MYO1F: variants seen among roughly 807,000 people sequenced by gnomAD.
MYO1F encodes myosin IF, also known as unconventional myosin-If.
Under a neutral mutation model 146.6 loss-of-function variants are expected in MYO1F, and 60 were observed. That is an observed-to-expected ratio of 0.41 (90% CI 0.33 to 0.51). The LOEUF (loss-of-function observed/expected upper bound fraction) is 0.51. Among genes scored for constraint, MYO1F ranks in the 20% least tolerant of loss-of-function variants. The pLI, the probability that MYO1F is intolerant of heterozygous loss-of-function variation, is 0.25. For missense variants in MYO1F, 1,274 were observed against 1,534.3 expected (o/e 0.83, Z 2.83); for synonymous variants, 602 against 602.1 (o/e 1.00, Z 0.00).
intron 19 of MYO1F, 67 bp downstream of exon 19, chr19:8,536,185 C>T (rs886572293): frequency 1.3e-6 from 2 of 1,557,592 alleles, no homozygotes; most frequent in East Asian, 4.5e-5. Context: ...CTCTCTCTCT[C>T]AGTCCCTCTC....
intron 12 of MYO1F, 45 bp downstream of exon 12, chr19:8,547,991 A>ACCCCCCCCCCCCGAT: frequency 2.3e-6 from 1 of 435,422 alleles, no homozygotes; most frequent in Admixed American, 3.0e-5. Flanking sequence ...CTTCCACCCC[A>ACCCCCCCCCCCCGAT]CCCCCACCCC....
At chr19:8,543,960 G>GTGGTGGTGC (rs1973191548) in intron 14 of MYO1F, 4 of 348,922 alleles carry the variant, frequency 1.1e-5, no homozygotes, top group South Asian at 2.4e-5. Flanking sequence ...GGTGGTGGTG[G>GTGGTGGTGC]TGGTGGTGGT....
Position 8,559,891 on chromosome 19 carries a change from G to A in MYO1F, c.4-4095C>T, listed in dbSNP as rs1389832161. Among the ~76,000 whole-genome samples the A allele has an allele frequency of 4.7e-5, 7 of 149,568 alleles. No individual in the cohort carries two copies. The South Asian group carries it at 6.4e-4, about 14-fold the overall frequency. ...CTAGAACCCAGGAGGCGGAGGTTGC[G>A]GTGAGCCCAGATTGTGCCATTGCAC... On this transcript the variant is annotated intron_variant, in intron 1 of 27. Transcript: ENST00000644032.
intron 1 of MYO1F, among the ~76,000 whole-genome samples, chr19:8,556,482 A>AAAAG (rs367956320): frequency 6.6e-4 from 96 of 145,176 alleles, no homozygotes; most frequent in Middle Eastern, 7.7e-3. Context: ...TCTCTATAAA[A>AAAAG]AAAGAAAGAA....
chr19:8,535,619 G>T (rs1972671149), intron 19 of MYO1F, among the ~76,000 whole-genome samples: 1 of 151,316 alleles, frequency 6.6e-6, no homozygotes, highest in East Asian at 1.9e-4. Flanking sequence ...AAAATTTTTG[G>T]TCTATTTCTT....
rs1379544091 is a variant in MYO1F at position 8,539,994 on chromosome 19, C to A, written c.1645G>T (p.Asp549Tyr). The A allele has an allele frequency of 7.4e-6, 12 of 1,612,092 alleles. No individual in the cohort carries two copies. The Middle Eastern group carries it at 4.9e-4, about 66-fold the overall frequency. Residue 549 changes from aspartate (D) to tyrosine (Y), a missense_variant, in exon 16 of 28, where the codon GAT becomes TAT. By Grantham distance (160) the Asp-to-Tyr change is radical (BLOSUM62 -3). This residue lies in a region of MYO1F where 900 missense variants were observed against 1,155.1 expected (regional missense o/e 0.78). Transcript: ENST00000644032. ...FLRMLFPEKL[D>Y]GDKKGRPSTA... ...CTGGGGCGCCCCTTCTTGTCTCCATCCAGCTTCTCGGGGAAGAGCATCCGG... is the reference window on the plus strand; with the variant it reads ...CTGGGGCGCCCCTTCTTGTCTCCATACAGCTTCTCGGGGAAGAGCATCCGG...
intron 1 of MYO1F, among the ~76,000 whole-genome samples, chr19:8,558,345 T>C (rs1568365731): frequency 1.3e-5 from 2 of 151,732 alleles, no homozygotes; most frequent in Non-Finnish European, 2.9e-5. Flanking sequence ...TAAATTTTTT[T>C]TGTATTGATG....
chr19:8,562,997 CT>C (rs909413391), intron 1 of MYO1F, among the ~76,000 whole-genome samples: 2 of 150,210 alleles, frequency 1.3e-5, no homozygotes, highest in Admixed American at 6.6e-5. Flanking sequence ...TCCTTCTTTC[CT>C]TTTTTTGTTT....
chr19:8,553,894 A>ACACACTCTCTCTCTCTCT, intron 4 of MYO1F, among the ~76,000 whole-genome samples: 17 of 102,670 alleles, frequency 1.7e-4, no homozygotes, highest in Middle Eastern at 4.7e-3. Flanking sequence ...ACACACACAC[A>ACACACTCTCTCTCTCTCT]CTCTCTCTCT....
rs1973824718 is a variant in MYO1F, at chr19:8,555,780, A to G, written c.20T>C (p.Phe7Ser). The change falls in exon 2 of 28, where the codon TTC (phenylalanine) becomes TCC (serine). Residue 7 changes from phenylalanine (F) to serine (S), a missense_variant. Physicochemically the swap from Phe to Ser is radical, Grantham distance 155. This residue lies in a region of MYO1F where 900 missense variants were observed against 1,155.1 expected (regional missense o/e 0.78). Coordinates refer to ENST00000644032, the MANE Select transcript of MYO1F (RefSeq NM_012335.4). ...CTTCACGTTGTGGCTCTGCCAGTGG[A>G]AGCGCTCCTTGCTGCCCTGGGGGGT... is the stretch of plus-strand genomic sequence containing the variant. MGSKER[F>S]HWQSHNVKQS... 1.2e-6 allele frequency: 2 copies of G among 1,613,486 alleles called. No individual in the cohort carries two copies. Among genetic ancestry groups the G allele is most frequent in the East Asian group, 4.5e-5 (2 of 44,852 alleles).
Position 8,554,458 on chromosome 19 carries a change from C to G in MYO1F, c.326+19G>C, listed in dbSNP as rs80179082. On this transcript the variant is annotated intron_variant, in intron 4 of 27. Coordinates refer to ENST00000644032, the MANE Select transcript of MYO1F (RefSeq NM_012335.4). Reference sequence around the variant, plus strand: ...GGGCCCGGGCAGCAGGGTCTGTGGCCCCCCAACTCTGTCCATACCTAATGA... The same window carrying G: ...GGGCCCGGGCAGCAGGGTCTGTGGCGCCCCAACTCTGTCCATACCTAATGA... The G allele has an allele frequency of 3.3e-3, 5,225 of 1,588,444 alleles. 146 individuals are homozygous for G. The African/African-American group carries it at 0.061, about 18-fold the overall frequency.
At chr19:8,553,647 C>T (rs545375534) in intron 4 of MYO1F, among the ~76,000 whole-genome samples, 2 of 151,954 alleles carry the variant, frequency 1.3e-5, no homozygotes, top group South Asian at 2.1e-4. Flanking sequence ...CTGAGGAGGG[C>T]GGATCACTTG....
At chr19:8,523,085 G>A (rs528095955) in intron 25 of MYO1F, among the ~76,000 whole-genome samples, 4 of 150,842 alleles carry the variant, frequency 2.7e-5, no homozygotes, top group African/African-American at 9.7e-5. Context: ...AGGCTGGAGT[G>A]CAGTGGCGCG....
chr19:8,532,901 A>AAAAAT (rs1172873322), intron 19 of MYO1F, among the ~76,000 whole-genome samples: 1 of 47,826 alleles, frequency 2.1e-5, no homozygotes, highest in African/African-American at 1.1e-4. Context: ...AAAAAAAAAA[A>AAAAAT]ATACACACAC....
At position 8,577,150 on chromosome 19, in the gene MYO1F, G is replaced by A; in HGVS notation, c.3+157C>T. 1.2e-6 allele frequency: 1 copy of A among 849,500 alleles called. No individual in the cohort carries two copies. Among genetic ancestry groups the A allele is most frequent in the Non-Finnish European group, 1.9e-6 (1 of 515,658 alleles). 52.6% of individuals were successfully genotyped at this position (849,500 alleles called of 1,614,324 possible). On this transcript the variant is annotated intron_variant, in intron 1 of 27. Transcript: ENST00000644032. The surrounding 1 kb of genome is among the most constrained non-coding windows in gnomAD (Gnocchi z 4.3). Reference sequence around the variant, plus strand: ...AGCTTGCTCCCTGGTAAGGGATGCTGGAGGCACCTGAGCTGCACTGAGAGA... The same window carrying A: ...AGCTTGCTCCCTGGTAAGGGATGCTAGAGGCACCTGAGCTGCACTGAGAGA...
At chr19:8,542,794 G>A (rs1973038107) in intron 14 of MYO1F, among the ~76,000 whole-genome samples, 1 of 150,082 alleles carries the variant, frequency 6.7e-6, no homozygotes, top group Admixed American at 6.6e-5. Flanking sequence ...TAATAGAGAC[G>A]GGGTTTCAAT....
intron 1 of MYO1F, among the ~76,000 whole-genome samples, chr19:8,563,984 A>G (rs2041954638): frequency 6.6e-6 from 1 of 152,222 alleles, no homozygotes; most frequent in Non-Finnish European, 1.5e-5. Flanking sequence ...TCTTCATTAC[A>G]GGCAATCACA....
At chr19:8,571,911 G>C (rs895417068) in intron 1 of MYO1F, among the ~76,000 whole-genome samples, 1 of 151,974 alleles carries the variant, frequency 6.6e-6, no homozygotes, top group Admixed American at 6.6e-5. Context: ...TATTTTTAGA[G>C]ACGGGGTTTC....
At chr19:8,569,259 G>C (rs973087370) in intron 1 of MYO1F, among the ~76,000 whole-genome samples, 1 of 152,106 alleles carries the variant, frequency 6.6e-6, no homozygotes, top group Non-Finnish European at 1.5e-5. Flanking sequence ...GCAACGAAGA[G>C]CTTGTGGTCA....
Sources: gnomAD v4.1 joint callset for allele counts (sites outside exome capture counted in the v4.1 genomes callset) on GRCh38, gnomAD v4.1.1 for gene constraint, gnomAD v4.1.1 regional missense constraint, Gnocchi (gnomAD v3.1) non-coding constraint, MANE v1.5 for transcripts, NCBI Gene and HGNC (gene_info 2026-07-23, HGNC 2026-07-21) for gene names.